Variants in DSCAM observed in about 807,000 individuals in gnomAD.
DSCAM encodes the protein DS cell adhesion molecule.
A neutral mutation model predicts 217.7 loss-of-function variants in DSCAM; 47 were observed. That is an observed-to-expected ratio of 0.22 (90% CI 0.17 to 0.28). DSCAM has a LOEUF of 0.28. DSCAM is among the 10% of genes least tolerant of loss of function. DSCAM has a pLI of 1.00. For missense variants in DSCAM, 2,080 were observed against 2,618.3 expected, an observed-to-expected ratio of 0.79 and a Z score of 4.49; for synonymous variants, 1,056 against 1,015.3, an observed-to-expected ratio of 1.04 and a Z score of -0.76.
intron 3 of DSCAM, among the ~76,000 whole-genome samples, chr21:40,633,765 C>T (rs1310585013): frequency 1.3e-5 from 2 of 152,110 alleles, no homozygotes; most frequent in African/African-American, 4.8e-5. Context: ...AACGCAAATG[C>T]CTGGAGTGAA....
chr21:40,686,384 AAC>A (rs2090478450), intron 3 of DSCAM, among the ~76,000 whole-genome samples: 2 of 150,786 alleles, frequency 1.3e-5, no homozygotes, highest in Admixed American at 6.6e-5. Flanking sequence ...CACACATACA[AAC>A]ACACATCATG....
At chr21:40,351,205 G>A (rs1478302814) in intron 5 of DSCAM, among the ~76,000 whole-genome samples, 1 of 152,128 alleles carries the variant, frequency 6.6e-6, no homozygotes, top group Non-Finnish European at 1.5e-5. Context: ...CTGAGTAACT[G>A]TGAGATTCAG....
chr21:40,278,904 T>C (rs570895494), intron 10 of DSCAM, among the ~76,000 whole-genome samples: 3 of 152,308 alleles, frequency 2.0e-5, no homozygotes, highest in East Asian at 3.9e-4. Flanking sequence ...TGGGCCAAAT[T>C]TGAATTGTGG....
intron 3 of DSCAM, among the ~76,000 whole-genome samples, chr21:40,527,814 C>T (rs560703185): frequency 1.9e-4 from 29 of 152,316 alleles, no homozygotes; most frequent in African/African-American, 6.5e-4. Context: ...CTCACCCTTG[C>T]CTCTGGAGGA....
intron 10 of DSCAM, among the ~76,000 whole-genome samples, chr21:40,286,843 TC>T (rs1345753027): frequency 0.096 from 249 of 2,606 alleles, 1 homozygote; most frequent in Non-Finnish European, 0.1. Context: ...TGCAGTATGA[TC>T]TGCAGGTATC....
chr21:40,202,006 A>C (rs1223813936), intron 11 of DSCAM, among the ~76,000 whole-genome samples: 1 of 152,154 alleles, frequency 6.6e-6, no homozygotes, highest in African/African-American at 2.4e-5. Flanking sequence ...CCAGATTATA[A>C]AAGGACTGTA....
intron 20 of DSCAM, among the ~76,000 whole-genome samples, chr21:40,108,455 A>C (rs1312610156): frequency 1.3e-5 from 2 of 152,210 alleles, no homozygotes; most frequent in African/African-American, 2.4e-5. Context: ...GGATGGTGAG[A>C]GATCCCTACA....
At chr21:40,522,119 C>T (rs1036317911) in intron 3 of DSCAM, among the ~76,000 whole-genome samples, 2 of 151,980 alleles carry the variant, frequency 1.3e-5, no homozygotes, top group Non-Finnish European at 2.9e-5. Context: ...TAGAACAAAG[C>T]TAGGCATAAG....
Position 40,237,351 on chromosome 21 carries a change from C to T in DSCAM, c.2356+38746G>A, listed in dbSNP as rs150613361. Reference sequence around the variant, plus strand: ...TCTACATTAGGTATATCTCCTAATGCTATCCCTCCCCTAGGCCCCCACCCT... The same window carrying T: ...TCTACATTAGGTATATCTCCTAATGTTATCCCTCCCCTAGGCCCCCACCCT... On this transcript the variant is annotated intron_variant, in intron 11 of 32. Coordinates refer to ENST00000400454, the MANE Select transcript of DSCAM (RefSeq NM_001389.5). 6.6e-3 allele frequency among the ~76,000 whole-genome samples: 1,011 copies of T among 152,284 alleles called. 14 individuals are homozygous for T. The highest frequency in any genetic ancestry group is 0.023 in the African/African-American group (971 of 41,556).
chr21:40,452,393 G>A (rs1336023807), intron 3 of DSCAM, among the ~76,000 whole-genome samples: 8 of 151,992 alleles, frequency 5.3e-5, no homozygotes, highest in Non-Finnish European at 1.0e-4. Context: ...TTCAGGAAAC[G>A]TGTGCATCGG....
intron 3 of DSCAM, among the ~76,000 whole-genome samples, chr21:40,624,827 G>A (rs1002275509): frequency 2.6e-5 from 4 of 152,102 alleles, no homozygotes; most frequent in African/African-American, 4.8e-5. Flanking sequence ...TGCAAATTGG[G>A]AAATATCTCC....
At chr21:40,330,330 A>G (rs1200078908) in intron 8 of DSCAM, among the ~76,000 whole-genome samples, 1 of 147,172 alleles carries the variant, frequency 6.8e-6, no homozygotes, top group Non-Finnish European at 1.5e-5. Flanking sequence ...TATTTATTAT[A>G]TTATATGCAT....
chr21:40,660,589 GC>G (rs1178143020), intron 3 of DSCAM, among the ~76,000 whole-genome samples: 1 of 152,210 alleles, frequency 6.6e-6, no homozygotes, highest in African/African-American at 2.4e-5. Context: ...CCACAGTTCT[GC>G]TGAAGAAATC....
In DSCAM at chr21:40,424,024, T is replaced by C. The variant is rs375613591; in HGVS notation, c.509-54779A>G. Among the ~76,000 whole-genome samples the C allele has an allele frequency of 1.3e-4, 20 of 152,312 alleles. No individual in the cohort carries two copies. The South Asian group carries it at 2.7e-3, about 21-fold the overall frequency. On this transcript the variant is annotated intron_variant, in intron 3 of 32. Transcript: ENST00000400454. ...CGGTTTTCCACTTTAATAAATAAGC[T>C]AATATAAAAATATGATTTCTAAAAA...
At chr21:40,243,871 G>C (rs1237330924) in intron 11 of DSCAM, among the ~76,000 whole-genome samples, 1 of 152,178 alleles carries the variant, frequency 6.6e-6, no homozygotes, top group African/African-American at 2.4e-5. Context: ...TACCGGGGCA[G>C]TGATCCACAC....
At chr21:40,278,696 T>C (rs2073721147) in intron 10 of DSCAM, among the ~76,000 whole-genome samples, 1 of 151,844 alleles carries the variant, frequency 6.6e-6, no homozygotes, top group African/African-American at 2.4e-5. Context: ...TGGGTGACAG[T>C]GAGATCTTGT....
chr21:40,580,473 C>T (rs534940061), intron 3 of DSCAM, among the ~76,000 whole-genome samples: 1 of 151,810 alleles, frequency 6.6e-6, no homozygotes, highest in African/African-American at 2.4e-5. Context: ...GCAGAGGTTG[C>T]AGTGTGCCAA....
At chr21:40,159,677 C>G (rs567853948) in intron 16 of DSCAM, among the ~76,000 whole-genome samples, 3 of 152,134 alleles carry the variant, frequency 2.0e-5, no homozygotes, top group African/African-American at 7.2e-5. Context: ...TGTCTCCTAG[C>G]GTTCAAGGAA....
At chr21:40,808,968 G>A (rs111409028) in intron 1 of DSCAM, among the ~76,000 whole-genome samples, 1 of 152,114 alleles carries the variant, frequency 6.6e-6, no homozygotes. Context: ...TTCTACCCCA[G>A]AGACTATCCT....
Sources: allele counts gnomAD v4.1 joint callset (sites outside exome capture counted in the v4.1 genomes callset), GRCh38; gene constraint gnomAD v4.1.1; transcripts MANE v1.5; gene names NCBI Gene and HGNC (gene_info 2026-07-23, HGNC 2026-07-21).